PPP2R3A: variants seen among roughly 807,000 people sequenced by gnomAD.
PPP2R3A encodes the protein serine/threonine-protein phosphatase 2A regulatory subunit B'' subunit alpha.
In PPP2R3A, 80 loss-of-function variants were observed where a neutral mutation model predicts 106.9. That is an observed-to-expected ratio of 0.75 (90% CI 0.62 to 0.90). The LOEUF is 0.90. Ranked by LOEUF, PPP2R3A falls within the 40% of genes least tolerant of loss-of-function variation. PPP2R3A has a pLI of 0.00. For missense variants in PPP2R3A, 1,386 were observed against 1,350.4 expected, an observed-to-expected ratio of 1.03 and a Z score of -0.41; for synonymous variants, 483 against 468.3, an observed-to-expected ratio of 1.03 and a Z score of -0.41.
At chr3:135,981,459 C>T (rs1434129364) in intron 1 of PPP2R3A, among the ~76,000 whole-genome samples, 1 of 151,816 alleles carries the variant, frequency 6.6e-6, no homozygotes, top group African/African-American at 2.4e-5. Flanking sequence ...AGCCAGTTAG[C>T]CCTTCCTTAA....
chr3:136,038,779 G>C (rs1935165143), intron 3 of PPP2R3A, among the ~76,000 whole-genome samples: 2 of 152,238 alleles, frequency 1.3e-5, no homozygotes, highest in African/African-American at 4.8e-5. Flanking sequence ...ATTGGGGAAA[G>C]TGGATTCAAC....
chr3:136,026,746 G>C, intron 2 of PPP2R3A, 86 bp from the exon 3 acceptor site: 1 of 1,276,724 alleles, frequency 7.8e-7, no homozygotes, highest in Non-Finnish European at 1.1e-6. Context: ...GTCTCTGATT[G>C]TGGTTTCTTA....
Position 136,002,731 on chromosome 3 carries a change from A to T in PPP2R3A, c.1233A>T (p.Leu411Phe). The T allele has an allele frequency of 6.2e-7, 1 of 1,612,958 alleles. No individual in the cohort carries two copies. Among genetic ancestry groups the T allele is most frequent in the East Asian group, 2.2e-5 (1 of 44,868 alleles). ...NPLENVSSDD[L>F]METLYIEEES... ...TAGAAAATGTTTCTTCTGACGACTT[A>T]ATGGAAACTCTTTATATTGAAGAAG... The change falls in exon 2 of 14, where the codon TTA (leucine) becomes TTT (phenylalanine). Residue 411 changes from leucine (L) to phenylalanine (F), a missense_variant. Transcript: ENST00000264977.
At chr3:136,113,655 T>C (rs1227430296) in intron 13 of PPP2R3A, among the ~76,000 whole-genome samples, 1 of 151,678 alleles carries the variant, frequency 6.6e-6, no homozygotes, top group Non-Finnish European at 1.5e-5. Context: ...AACAAAACAG[T>C]GTGGTAGCAC....
chr3:136,085,571 C>T (rs1233365109), intron 8 of PPP2R3A, among the ~76,000 whole-genome samples: 1 of 152,022 alleles, frequency 6.6e-6, no homozygotes, highest in Non-Finnish European at 1.5e-5. Context: ...TGATCCACCA[C>T]ACCTGGCCTG....
intron 5 of PPP2R3A, among the ~76,000 whole-genome samples, chr3:136,057,186 A>G (rs1186330959): frequency 4.6e-5 from 7 of 152,180 alleles, no homozygotes; most frequent in Non-Finnish European, 8.8e-5. Flanking sequence ...TGATCCGGAA[A>G]TATCCAAAAG....
chr3:135,986,580 A>G (rs1236640562), intron 1 of PPP2R3A, among the ~76,000 whole-genome samples: 1 of 151,774 alleles, frequency 6.6e-6, no homozygotes, highest in African/African-American at 2.4e-5. Context: ...AGTCTCCTTC[A>G]TGTTGGATAC....
At chr3:136,087,541 C>G (rs180910005) in intron 8 of PPP2R3A, 118 of 179,424 alleles carry the variant, frequency 6.6e-4, no homozygotes, top group African/African-American at 2.7e-3. Context: ...TCAGTTCTCC[C>G]TTGAATTTAA....
chr3:135,991,925 T>C (rs1417140119), intron 1 of PPP2R3A, among the ~76,000 whole-genome samples: 1 of 152,226 alleles, frequency 6.6e-6, no homozygotes, highest in African/African-American at 2.4e-5. Flanking sequence ...ACCCTTAGCC[T>C]CATTCAGACA....
chr3:136,034,919 T>C lies in PPP2R3A; in HGVS notation c.2263-5940T>C, dbSNP rs535373729. Among the ~76,000 whole-genome samples the C allele has an allele frequency of 1.7e-3, 260 of 152,316 alleles. 1 individual carries two copies. Among genetic ancestry groups the C allele is most frequent in the African/African-American group, 5.8e-3 (242 of 41,562 alleles). On this transcript the variant is annotated intron_variant, in intron 3 of 13. Coordinates refer to ENST00000264977, the MANE Select transcript of PPP2R3A (RefSeq NM_002718.5). ...TTGGGAGCTCCAGTGTTAGTGCATA[T>C]ATGTTTAGGATTGTGGTATTTTCCT...
chr3:136,054,583 A>T (rs535167696), intron 5 of PPP2R3A, among the ~76,000 whole-genome samples: 11 of 152,252 alleles, frequency 7.2e-5, no homozygotes, highest in African/African-American at 2.4e-4. Flanking sequence ...ACGCTATTCT[A>T]TGTGGAATAC....
chr3:136,111,194 AAAT>A (rs1481216166), intron 13 of PPP2R3A, among the ~76,000 whole-genome samples: 4 of 152,220 alleles, frequency 2.6e-5, no homozygotes, highest in Non-Finnish European at 5.9e-5. Flanking sequence ...TCTTAGGACT[AAAT>A]AAGTATTGAT....
chr3:136,114,548 C>A (rs1465214795), intron 13 of PPP2R3A, among the ~76,000 whole-genome samples: 1 of 152,200 alleles, frequency 6.6e-6, no homozygotes, highest in Non-Finnish European at 1.5e-5. Flanking sequence ...GAAATTCTTG[C>A]TGCCAGCACA....
chr3:136,027,660 T>G (rs990685596), intron 3 of PPP2R3A, among the ~76,000 whole-genome samples: 7 of 152,222 alleles, frequency 4.6e-5, no homozygotes, highest in Admixed American at 4.6e-4. Context: ...CAGTTAATAC[T>G]TAGCATAACC....
chr3:136,038,960 G>C (rs915634985), intron 3 of PPP2R3A, among the ~76,000 whole-genome samples: 2 of 152,190 alleles, frequency 1.3e-5, no homozygotes, highest in South Asian at 2.1e-4. Context: ...ATTCTGCTCT[G>C]CTTGCAGACA....
intron 1 of PPP2R3A, among the ~76,000 whole-genome samples, chr3:135,988,791 A>G (rs930841108): frequency 1.8e-4 from 27 of 152,046 alleles, no homozygotes; most frequent in Admixed American, 1.8e-3. Context: ...TATAGCCTGT[A>G]TTTTCTGGAA....
rs1559863464 is a variant in PPP2R3A at position 136,003,490 on chromosome 3, C to T, written c.1992C>T (p.Ile664=). ...TGATTCAGCAGACTCCAGAGGTGAT[C>T]AAGGTAAGACCCAACAATTTTGAGT... ...AVLIQQTPEV[I]KIQNKPEKKP... The change falls in exon 2 of 14, where the codon ATC becomes ATT. Residue 664 remains isoleucine, a synonymous_variant. Transcript: ENST00000264977. The T allele has an allele frequency of 1.3e-6, 2 of 1,574,848 alleles. No individual in the cohort carries two copies. Among genetic ancestry groups the T allele is most frequent in the African/African-American group, 1.4e-5 (1 of 72,814 alleles).
chr3:136,125,370 C>T (rs1159133959), intron 13 of PPP2R3A, among the ~76,000 whole-genome samples: 1 of 152,108 alleles, frequency 6.6e-6, no homozygotes, highest in East Asian at 1.9e-4. Context: ...GATGACTTCA[C>T]TGATTAATTC....
chr3:135,996,613 G>C (rs1933408723), intron 1 of PPP2R3A, among the ~76,000 whole-genome samples: 3 of 152,148 alleles, frequency 2.0e-5, no homozygotes. Context: ...TTCTTGATCA[G>C]CATTATTTAA....
Sources: gnomAD v4.1 joint callset for allele counts (sites outside exome capture counted in the v4.1 genomes callset) on GRCh38, gnomAD v4.1.1 for gene constraint, MANE v1.5 for transcripts, NCBI Gene and HGNC (gene_info 2026-07-23, HGNC 2026-07-21) for gene names.